The following RAP2B variants were observed in gnomAD, a reference collection of about 807,000 sequenced individuals.
RAP2B encodes RAP2B, member of RAS oncogene family, also known as ras-related protein Rap-2b.
A neutral mutation model predicts 14.4 loss-of-function variants in RAP2B; 6 were observed. That is an observed-to-expected ratio of 0.42 (90% confidence interval 0.23 to 0.82). RAP2B has a LOEUF of 0.82. RAP2B is among the 40% of genes least tolerant of loss of function. RAP2B has a pLI of 0.30. For missense variants in RAP2B, 137 were observed against 248.2 expected, an observed-to-expected ratio of 0.55 and a Z score of 3.01; for synonymous variants, 118 against 113.2, an observed-to-expected ratio of 1.04 and a Z score of -0.27.
chr3:153,162,616 C>T lies in RAP2B; in HGVS notation c.-78C>T. 1.4e-6 allele frequency: 2 copies of T among 1,453,736 alleles called. No individual in the cohort carries two copies. Among genetic ancestry groups the T allele is most frequent in the Non-Finnish European group, 9.1e-7 (1 of 1,097,138 alleles). 90.1% of individuals were successfully genotyped at this position (1,453,736 alleles called of 1,614,324 possible). A position where few individuals can be genotyped will look rare whatever the true frequency, so the allele number is the denominator to read the frequency against. Reference sequence around the variant, plus strand: ...TAGCTGAGGAAGGGGAAGAGAAGTCCAGCCGCCAAGCCCAGCCTTCCCCGG... The same window carrying T: ...TAGCTGAGGAAGGGGAAGAGAAGTCTAGCCGCCAAGCCCAGCCTTCCCCGG... On this transcript the variant is annotated 5_prime_UTR_variant, in exon 1 of 1. Coordinates refer to ENST00000323534, the MANE Select transcript of RAP2B (RefSeq NM_002886.4). The surrounding 1 kb of genome is among the most constrained non-coding windows in gnomAD (Gnocchi z 4.9).
At position 153,168,358 on chromosome 3, in the gene RAP2B, C is replaced by T. The variant is rs1197007563; in HGVS notation, c.*5113C>T. On this transcript the variant is annotated 3_prime_UTR_variant, in exon 1 of 1. Transcript: ENST00000323534. ...ATTTAGATGCTGAGAATAATATTAT[C>T]ATGCTTGGGTGGGGAAGAAAGGCCC... 1 of 167,050 alleles carries T rather than the reference C, an allele frequency of 6.0e-6. No homozygotes were observed. Among genetic ancestry groups the T allele is most frequent in the Non-Finnish European group, 1.5e-5 (1 of 68,114 alleles). 10.3% of individuals were successfully genotyped at this position (167,050 alleles called of 1,614,324 possible). A position where few individuals can be genotyped will look rare whatever the true frequency, so the allele number is the denominator to read the frequency against.
rs894932551 is a variant in RAP2B at position 153,162,519 on chromosome 3, C to G, written c.-175C>G. ...ACGCTGCCGCCGCCGCCGGCCGGCC[C>G]GGCGCCCGGCCTCCGTTCGGTGGTT... On this transcript the variant is annotated 5_prime_UTR_variant, in exon 1 of 1. Coordinates refer to ENST00000323534, the MANE Select transcript of RAP2B (RefSeq NM_002886.4). The surrounding 1 kb of genome is among the most constrained non-coding windows in gnomAD (Gnocchi z 4.9). 8.3e-6 allele frequency: 6 copies of G among 718,650 alleles called. No individual in the cohort carries two copies. In the South Asian group the frequency reaches 1.7e-4, roughly 20 times the overall value. The allele number at this position is 718,650 out of a possible 1,614,324, so 44.5% of individuals were successfully genotyped here.
In RAP2B at chr3:153,162,426, C is replaced by A; in HGVS notation, c.-268C>A. ...GCGCAGGCTGCGGGCATTGTCCTCT[C>A]GGTTCGCCGCCCGGGCTGCTGCTGC... On this transcript the variant is annotated 5_prime_UTR_variant, in exon 1 of 1. Transcript: ENST00000323534. This position sits in a 1 kb window ranked among gnomAD's most constrained non-coding sequence, Gnocchi z 4.9. 3.6e-6 allele frequency: 1 copy of A among 276,378 alleles called. No individual in the cohort carries two copies. Among genetic ancestry groups the A allele is most frequent in the South Asian group, 1.5e-4 (1 of 6,894 alleles). The allele number at this position is 276,378 out of a possible 1,614,324, so 17.1% of individuals were successfully genotyped here.
rs539020873 is a variant in RAP2B at position 153,164,477 on chromosome 3, T to C, written c.*1232T>C. On this transcript the variant is annotated 3_prime_UTR_variant, in exon 1 of 1. Coordinates refer to ENST00000323534, the MANE Select transcript of RAP2B (RefSeq NM_002886.4). ...CAGCCTTTAAAATGTAATTTCCATC[T>C]CTTGCAATGAATTTGTTTCCCTTTT... 1 of 167,120 alleles carries C rather than the reference T, an allele frequency of 6.0e-6. No homozygotes were observed. The highest frequency in any genetic ancestry group is 2.4e-5 in the African/African-American group (1 of 41,456). 10.4% of individuals were successfully genotyped at this position (167,120 alleles called of 1,614,324 possible). A position where few individuals can be genotyped will look rare whatever the true frequency, so the allele number is the denominator to read the frequency against.
Position 153,166,392 on chromosome 3 carries a change from AAGTT to A in RAP2B, c.*3151_*3154del, listed in dbSNP as rs1287578998. On this transcript the variant is annotated 3_prime_UTR_variant, in exon 1 of 1. Transcript: ENST00000323534. Reference sequence around the variant, plus strand: ...GATAAGGGCATTTGTTTCAATGAAAAAGTTAGTGTTAAAGGAAGTGAGTCAGGGA... The same window carrying A: ...GATAAGGGCATTTGTTTCAATGAAAAAGTGTTAAAGGAAGTGAGTCAGGGA... 2.4e-5 allele frequency: 4 copies of A among 167,112 alleles called. No homozygotes were observed. The Admixed American group carries it at 2.6e-4, about 11-fold the overall frequency. The allele number at this position is 167,112 out of a possible 1,614,324, so 10.4% of individuals were successfully genotyped here.
At position 153,168,565 on chromosome 3, in the gene RAP2B, G is replaced by A. The variant is rs1713642231; in HGVS notation, c.*5320G>A. The A allele has an allele frequency of 6.5e-6, 1 of 154,664 alleles. No individual in the cohort carries two copies. The allele number at this position is 154,664 out of a possible 1,614,324, so 9.6% of individuals were successfully genotyped here. A position where few individuals can be genotyped will look rare whatever the true frequency, so the allele number is the denominator to read the frequency against. ...TATAGTAGCTTAATAGCTATTTGCT[G>A]AATGAATGGAACATGGAGTGTTACA... On this transcript the variant is annotated 3_prime_UTR_variant, in exon 1 of 1. Transcript: ENST00000323534.
Position 153,168,013 on chromosome 3 carries a change from G to GT in RAP2B, c.*4769dup, listed in dbSNP as rs1159086784. On this transcript the variant is annotated 3_prime_UTR_variant, in exon 1 of 1. Coordinates refer to ENST00000323534, the MANE Select transcript of RAP2B (RefSeq NM_002886.4). ...TCTTCATATCATGGTAAGCACATGC[G>GT]TATGTCTGTGACTCAGTTTCTTAGC... is the stretch of plus-strand genomic sequence containing the variant. 6.0e-6 allele frequency: 1 copy of GT among 167,052 alleles called. No homozygotes were observed. Among genetic ancestry groups the GT allele is most frequent in the Non-Finnish European group, 1.5e-5 (1 of 68,124 alleles). The allele number at this position is 167,052 out of a possible 1,614,324, so 10.3% of individuals were successfully genotyped here.
chr3:153,162,662 G>A lies in RAP2B; in HGVS notation c.-32G>A, dbSNP rs1313777491. 1.9e-6 allele frequency: 3 copies of A among 1,562,590 alleles called. No individual in the cohort carries two copies. Among genetic ancestry groups the A allele is most frequent in the Non-Finnish European group, 1.7e-6 (2 of 1,155,492 alleles). The stretch of plus-strand genomic sequence containing the variant: ...CCCGGCGCGCAGCCCCGACGGGGCC[G>A]CGGCAGGCGCGGCGAGAGCGCTGAC... On this transcript the variant is annotated 5_prime_UTR_variant, in exon 1 of 1. Transcript: ENST00000323534. This position sits in a 1 kb window ranked among gnomAD's most constrained non-coding sequence, Gnocchi z 4.9.
At position 153,162,951 on chromosome 3, in the gene RAP2B, C is replaced by T; in HGVS notation, c.258C>T (p.Asn86=). The change falls in exon 1 of 1, where the codon AAC becomes AAT. Residue 86 remains asparagine (N), a synonymous_variant. Transcript: ENST00000323534. The surrounding 1 kb of genome is among the most constrained non-coding windows in gnomAD (Gnocchi z 4.9). ...QGFILVYSLV[N]QQSFQDIKPM... is the part of the protein sequence containing the mutation. The stretch of plus-strand genomic sequence containing the variant: ...TCATCCTGGTCTACAGCCTCGTCAA[C>T]CAGCAGAGCTTCCAGGACATCAAGC... 2 of 1,614,154 alleles carry T rather than the reference C, an allele frequency of 1.2e-6. No individual in the cohort carries two copies. Among genetic ancestry groups the T allele is most frequent in the Non-Finnish European group, 1.7e-6 (2 of 1,180,022 alleles).
Position 153,167,513 on chromosome 3 carries a change from G to T in RAP2B, c.*4268G>T, listed in dbSNP as rs1471071611. 1.8e-5 allele frequency: 3 copies of T among 166,976 alleles called. No individual in the cohort carries two copies. Among genetic ancestry groups the T allele is most frequent in the African/African-American group, 7.2e-5 (3 of 41,420 alleles). The allele number at this position is 166,976 out of a possible 1,614,324, so 10.3% of individuals were successfully genotyped here. On this transcript the variant is annotated 3_prime_UTR_variant, in exon 1 of 1. Transcript: ENST00000323534. ...ACTTTGAAAACCAGTGATCTAGACT[G>T]AACTCCAAATGAGTACTATACTGAC...
chr3:153,162,718 C>T lies in RAP2B; in HGVS notation c.25C>T (p.Leu9=), dbSNP rs773377659. The stretch of plus-strand genomic sequence containing the variant: ...CATGAGAGAGTACAAAGTGGTGGTG[C>T]TGGGCTCGGGCGGCGTGGGCAAGTC... The part of the protein sequence containing the change: MREYKVVV[L]GSGGVGKSAL... Residue 9 remains leucine, a synonymous_variant, in exon 1 of 1, where the codon CTG becomes TTG. Coordinates refer to ENST00000323534, the MANE Select transcript of RAP2B (RefSeq NM_002886.4). The surrounding 1 kb of genome is among the most constrained non-coding windows in gnomAD (Gnocchi z 4.9). 22 of 1,612,832 alleles carry T rather than the reference C, an allele frequency of 1.4e-5. No homozygotes were observed. The Admixed American group carries it at 3.5e-4, about 26-fold the overall frequency.
Position 153,163,393 on chromosome 3 carries a change from G to C in RAP2B, c.*148G>C. On this transcript the variant is annotated 3_prime_UTR_variant, in exon 1 of 1. Transcript: ENST00000323534. ...AGCCCGGCTGGCCTCCGCGGCCGGC[G>C]TCCCCTGCCTCCACCCTGTGCCCGA... 2 of 1,119,462 alleles carry C rather than the reference G, an allele frequency of 1.8e-6. No homozygotes were observed. Among genetic ancestry groups the C allele is most frequent in the Non-Finnish European group, 2.5e-6 (2 of 799,544 alleles). The allele number at this position is 1,119,462 out of a possible 1,614,324, so 69.3% of individuals were successfully genotyped here. A position where few individuals can be genotyped will look rare whatever the true frequency, so the allele number is the denominator to read the frequency against.
rs773198085 is a variant in RAP2B, at chr3:153,164,805, G to A, written c.*1560G>A. ...ATCATGGCTGAGGTGGATGGGGCAG[G>A]TGCATGATACTCTTCAGAGCTATTT... On this transcript the variant is annotated 3_prime_UTR_variant, in exon 1 of 1. Transcript: ENST00000323534. The A allele has an allele frequency of 6.0e-6, 1 of 167,058 alleles. No individual in the cohort carries two copies. The highest frequency in any genetic ancestry group is 1.5e-5 in the Non-Finnish European group (1 of 68,108). 10.3% of individuals were successfully genotyped at this position (167,058 alleles called of 1,614,324 possible). A position where few individuals can be genotyped will look rare whatever the true frequency, so the allele number is the denominator to read the frequency against.
Position 153,162,621 on chromosome 3 carries a change from G to A in RAP2B, c.-73G>A. The A allele has an allele frequency of 6.8e-7, 1 of 1,472,734 alleles. No individual in the cohort carries two copies. Among genetic ancestry groups the A allele is most frequent in the Non-Finnish European group, 9.0e-7 (1 of 1,109,914 alleles). 91.2% of individuals were successfully genotyped at this position (1,472,734 alleles called of 1,614,324 possible). A position where few individuals can be genotyped will look rare whatever the true frequency, so the allele number is the denominator to read the frequency against. ...GAGGAAGGGGAAGAGAAGTCCAGCC[G>A]CCAAGCCCAGCCTTCCCCGGCGCGC... On this transcript the variant is annotated 5_prime_UTR_variant, in exon 1 of 1. Coordinates refer to ENST00000323534, the MANE Select transcript of RAP2B (RefSeq NM_002886.4). This position sits in a 1 kb window ranked among gnomAD's most constrained non-coding sequence, Gnocchi z 4.9.
Position 153,162,416 on chromosome 3 carries a change from A to G in RAP2B, c.-278A>G, listed in dbSNP as rs986629551. 3 of 249,092 alleles carry G rather than the reference A, an allele frequency of 1.2e-5. No individual in the cohort carries two copies. The East Asian group carries it at 2.3e-4, about 19-fold the overall frequency. 15.4% of individuals were successfully genotyped at this position (249,092 alleles called of 1,614,324 possible). A position where few individuals can be genotyped will look rare whatever the true frequency, so the allele number is the denominator to read the frequency against. ...CCGTCGCCTCGCGCAGGCTGCGGGC[A>G]TTGTCCTCTCGGTTCGCCGCCCGGG... On this transcript the variant is annotated 5_prime_UTR_variant, in exon 1 of 1. Transcript: ENST00000323534. The surrounding 1 kb of genome is among the most constrained non-coding windows in gnomAD (Gnocchi z 4.9).
At position 153,165,850 on chromosome 3, in the gene RAP2B, G is replaced by A. The variant is rs985242339; in HGVS notation, c.*2605G>A. On this transcript the variant is annotated 3_prime_UTR_variant, in exon 1 of 1. Coordinates refer to ENST00000323534, the MANE Select transcript of RAP2B (RefSeq NM_002886.4). Reference sequence around the variant, plus strand: ...TATTTGAATAAATTCAGTTGCTAAAGTAGATCCAAAGTGTTAAAAATGCTG... The same window carrying A: ...TATTTGAATAAATTCAGTTGCTAAAATAGATCCAAAGTGTTAAAAATGCTG... The A allele has an allele frequency of 1.2e-5, 2 of 167,102 alleles. No homozygotes were observed. Among genetic ancestry groups the A allele is most frequent in the African/African-American group, 4.8e-5 (2 of 41,470 alleles). 10.4% of individuals were successfully genotyped at this position (167,102 alleles called of 1,614,324 possible).
rs1200692670 is a variant in RAP2B, at chr3:153,166,783, T to G, written c.*3538T>G. 6.0e-6 allele frequency: 1 copy of G among 166,572 alleles called. No individual in the cohort carries two copies. Among genetic ancestry groups the G allele is most frequent in the Non-Finnish European group, 1.5e-5 (1 of 68,102 alleles). The allele number at this position is 166,572 out of a possible 1,614,324, so 10.3% of individuals were successfully genotyped here. ...ATAGAATTCTTTAAATGTATGGGACTTCATGCTTCCTGATTATGTAATATT... is the reference window on the plus strand; with the variant it reads ...ATAGAATTCTTTAAATGTATGGGACGTCATGCTTCCTGATTATGTAATATT... On this transcript the variant is annotated 3_prime_UTR_variant, in exon 1 of 1. Coordinates refer to ENST00000323534, the MANE Select transcript of RAP2B (RefSeq NM_002886.4).
chr3:153,170,574 C>A lies in RAP2B; in HGVS notation c.*7329C>A, dbSNP rs1490115039. 1.3e-5 allele frequency: 2 copies of A among 152,008 alleles called. No individual in the cohort carries two copies. Among genetic ancestry groups the A allele is most frequent in the African/African-American group, 4.8e-5 (2 of 41,370 alleles). The allele number at this position is 152,008 out of a possible 1,614,324, so 9.4% of individuals were successfully genotyped here. ...GTAGATAAATTTATTGAACATTGGG[C>A]CTTTGAAAGGTATGTGGAAATTGTA... On this transcript the variant is annotated 3_prime_UTR_variant, in exon 1 of 1. Transcript: ENST00000323534.
Position 153,165,171 on chromosome 3 carries a change from A to G in RAP2B, c.*1926A>G, listed in dbSNP as rs1347773627. 6.0e-6 allele frequency: 1 copy of G among 167,062 alleles called. No homozygotes were observed. Among genetic ancestry groups the G allele is most frequent in the Non-Finnish European group, 1.5e-5 (1 of 68,112 alleles). 10.3% of individuals were successfully genotyped at this position (167,062 alleles called of 1,614,324 possible). On this transcript the variant is annotated 3_prime_UTR_variant, in exon 1 of 1. Coordinates refer to ENST00000323534, the MANE Select transcript of RAP2B (RefSeq NM_002886.4). ...ACATGTTTGGGAAAGATGGTTTTCAATTCTGAAGTTATACCTAGTGATGTT... is the reference window on the plus strand; with the variant it reads ...ACATGTTTGGGAAAGATGGTTTTCAGTTCTGAAGTTATACCTAGTGATGTT...
Sources: allele counts gnomAD v4.1 joint callset, GRCh38; gene constraint gnomAD v4.1.1; non-coding constraint Gnocchi (gnomAD v3.1); transcripts MANE v1.5; gene names NCBI Gene and HGNC (gene_info 2026-07-23, HGNC 2026-07-21).